Variants in MTSS2 observed in about 807,000 individuals in gnomAD.
MTSS2 encodes protein MTSS 2.
MTSS2 carries 27 observed loss-of-function variants against 67.1 expected under a neutral mutation model. That is an observed-to-expected ratio of 0.40 (90% CI 0.30 to 0.55). The LOEUF is 0.55. MTSS2 is among the 20% of genes least tolerant of loss of function. The pLI, the probability that MTSS2 is intolerant of heterozygous loss-of-function variation, is 0.43. For missense variants in MTSS2, 1,171 were observed against 1,067.8 expected (o/e 1.10, Z -1.35); for synonymous variants, 624 against 468.6 (o/e 1.33, Z -4.28).
In MTSS2 at chr16:70,664,610, T is replaced by C; in HGVS notation, c.1459A>G (p.Ile487Val). 6.2e-7 allele frequency: 1 copy of C among 1,612,582 alleles called. No homozygotes were observed. Among genetic ancestry groups the C allele is most frequent in the South Asian group, 1.1e-5 (1 of 91,020 alleles). Residue 487 changes from isoleucine to valine, a missense_variant, in exon 14 of 15, where the codon ATC becomes GTC. Coordinates refer to ENST00000338779, the MANE Select transcript of MTSS2 (RefSeq NM_138383.3). ...TTTPSCSEDT[I>V]PSQGSDYDCY... ...CCCGCGGGCCTGCCTTGGGAGGGGATGGTGTCCTCAGAGCAGGAGGGCGTG... is the reference window on the plus strand; with the variant it reads ...CCCGCGGGCCTGCCTTGGGAGGGGACGGTGTCCTCAGAGCAGGAGGGCGTG...
Position 70,681,801 on chromosome 16 carries a change from G to A in MTSS2, c.70-776C>T, listed in dbSNP as rs1391880949. Among the ~76,000 whole-genome samples the A allele has an allele frequency of 2.0e-5, 3 of 152,250 alleles. No homozygotes were observed. The South Asian group carries it at 6.2e-4, about 31-fold the overall frequency. On this transcript the variant is annotated intron_variant, in intron 1 of 14. Transcript: ENST00000338779. ...TAGGGAGGTCGGGCTCCTGGCCACC[G>A]AGTTGTCCAATCTGATTTTGGGGCT...
rs1273036588 is a variant in MTSS2, at chr16:70,678,342, C to T, written c.534G>A (p.Leu178=). ...GCACGGCCTGCTTCTCCGTCTCCTC[C>T]AGCAGCAGGTACATGTCGTTGACGT... ...LQDVNDMYLL[L]EETEKQAVRR... is the part of the protein sequence containing the mutation. Residue 178 remains leucine, a synonymous_variant, in exon 8 of 15, where the codon CTG becomes CTA. Transcript: ENST00000338779. The T allele has an allele frequency of 5.0e-6, 8 of 1,613,016 alleles. No homozygotes were observed. The highest frequency in any genetic ancestry group is 5.9e-6 in the Non-Finnish European group (7 of 1,179,998).
At chr16:70,666,188 G>T (rs1182425152) in intron 11 of MTSS2, among the ~76,000 whole-genome samples, 1 of 152,166 alleles carries the variant, frequency 6.6e-6, no homozygotes, top group South Asian at 2.1e-4. Flanking sequence ...AGCCTGCTCT[G>T]CGGAGAAGGG....
In MTSS2 at chr16:70,663,030, C is replaced by CCG. The variant is rs1000934055; in HGVS notation, c.*646_*647insCG. ...CCACCACAGGGCCCCCAAGACCCCC[C>CCG]CCCCCAAGCAGCCCCTGGTTTCCTC... On this transcript the variant is annotated 3_prime_UTR_variant, in exon 15 of 15. Coordinates refer to ENST00000338779, the MANE Select transcript of MTSS2 (RefSeq NM_138383.3). 2.0e-5 allele frequency: 3 copies of CCG among 152,462 alleles called. No individual in the cohort carries two copies. The highest frequency in any genetic ancestry group is 2.1e-4 in the South Asian group (1 of 4,832). The allele number at this position is 152,462 out of a possible 1,614,324, so 9.4% of individuals were successfully genotyped here.
At chr16:70,664,871 G>C (rs765677599) in intron 13 of MTSS2, 49 bp downstream of exon 13, 6 of 1,514,266 alleles carry the variant, frequency 4.0e-6, no homozygotes, top group African/African-American at 1.4e-5. Flanking sequence ...CCACTGGCTG[G>C]GCCTCCTGGG....
intron 3 of MTSS2, 138 bp from the exon 4 acceptor site, chr16:70,680,193 G>A (rs1010082693): frequency 2.0e-4 from 63 of 316,552 alleles, no homozygotes; most frequent in African/African-American, 1.3e-3. Context: ...CAGTCCCGCC[G>A]GCCCTGGGGG....
chr16:70,664,453 G>C lies in MTSS2; in HGVS notation c.1472-4C>G. The C allele has an allele frequency of 1.3e-6, 2 of 1,535,530 alleles. No individual in the cohort carries two copies. Among genetic ancestry groups the C allele is most frequent in the Non-Finnish European group, 8.8e-7 (1 of 1,141,984 alleles). ...GAGTAGCAGTCGTAGTCGGAGCCTG[G>C]GGGCACGGGACACAGTGAGGCCCAG... On this transcript the variant is annotated splice_region_variant and splice_polypyrimidine_tract_variant and intron_variant, in intron 14 of 14. Transcript: ENST00000338779.
chr16:70,682,999 C>T (rs1271631193), intron 1 of MTSS2, among the ~76,000 whole-genome samples: 1 of 152,208 alleles, frequency 6.6e-6, no homozygotes, highest in Non-Finnish European at 1.5e-5. Context: ...AAGCACTGAA[C>T]GTCAAGGCTG....
At chr16:70,683,483 G>C (rs1032101856) in intron 1 of MTSS2, among the ~76,000 whole-genome samples, 1 of 152,216 alleles carries the variant, frequency 6.6e-6, no homozygotes, top group East Asian at 1.9e-4. Flanking sequence ...ACTCTTGAGG[G>C]GTGGGTGAAG....
intron 2 of MTSS2, 46 bp downstream of exon 2, chr16:70,680,918 G>GGGGGGGGGGGGGGCC: frequency 9.1e-7 from 1 of 1,097,914 alleles, no homozygotes; most frequent in Non-Finnish European, 1.3e-6. Flanking sequence ...CGGGGGGGGG[G>GGGGGGGGGGGGGGCC]CCTCTGCCTG....
Position 70,664,466 on chromosome 16 carries a change from C to CA in MTSS2, c.1472-18dup. The stretch of plus-strand genomic sequence containing the variant: ...AGTCGGAGCCTGGGGGCACGGGACA[C>CA]AGTGAGGCCCAGGGCCCAGGTGGCC... On this transcript the variant is annotated splice_polypyrimidine_tract_variant and intron_variant, in intron 14 of 14. Transcript: ENST00000338779. 5 of 1,539,026 alleles carry CA rather than the reference C, an allele frequency of 3.2e-6. No homozygotes were observed. Among genetic ancestry groups the CA allele is most frequent in the Non-Finnish European group, 4.4e-6 (5 of 1,142,244 alleles).
In MTSS2 at chr16:70,663,349, C is replaced by CCCTCTGTCATGGGCAGCGGCCCTGGCT. The variant is rs2052563315; in HGVS notation, c.*301_*327dup. The CCCTCTGTCATGGGCAGCGGCCCTGGCT allele has an allele frequency of 3.0e-6, 1 of 338,434 alleles. No homozygotes were observed. The highest frequency in any genetic ancestry group is 2.2e-5 in the African/African-American group (1 of 46,238). 21.0% of individuals were successfully genotyped at this position (338,434 alleles called of 1,614,324 possible). A position where few individuals can be genotyped will look rare whatever the true frequency, so the allele number is the denominator to read the frequency against. The stretch of plus-strand genomic sequence containing the variant: ...ATGGTGAAAGGGAGGCCAGCCTGGC[C>CCCTCTGTCATGGGCAGCGGCCCTGGCT]CCTCTGTCATGGGCAGCGGCCCTGG... On this transcript the variant is annotated 3_prime_UTR_variant, in exon 15 of 15. Coordinates refer to ENST00000338779, the MANE Select transcript of MTSS2 (RefSeq NM_138383.3).
In MTSS2 at chr16:70,664,678, C is replaced by G; in HGVS notation, c.1391G>C (p.Arg464Pro). 2 of 1,613,338 alleles carry G rather than the reference C, an allele frequency of 1.2e-6. No homozygotes were observed. The highest frequency in any genetic ancestry group is 1.7e-6 in the Non-Finnish European group (2 of 1,179,900). The change falls in exon 14 of 15, where the codon CGG (arginine) becomes CCG (proline). Residue 464 changes from arginine to proline, a missense_variant. Arg to Pro is a moderately radical substitution (Grantham distance 103). This residue lies in a region of MTSS2 where 924 missense variants were observed against 756.0 expected (regional missense o/e 1.22). Coordinates refer to ENST00000338779, the MANE Select transcript of MTSS2 (RefSeq NM_138383.3). Reference sequence around the variant, plus strand: ...GCCGCTGGAGTACTGCAGCGAGTCCCGGCTGCTCTTCTGGTGCTCCAGGCT... The same window carrying G: ...GCCGCTGGAGTACTGCAGCGAGTCCGGGCTGCTCTTCTGGTGCTCCAGGCT... ...GLSLEHQKSS[R>P]DSLQYSSGYS... is the part of the protein sequence containing the mutation.
chr16:70,677,073 C>T, intron 9 of MTSS2, 95 bp from the exon 10 acceptor site: 1 of 959,012 alleles, frequency 1.0e-6, no homozygotes, highest in Non-Finnish European at 1.5e-6. Flanking sequence ...GAACCACATC[C>T]CAGGAGAAGA....
intron 11 of MTSS2, chr16:70,665,827 CA>C (rs1486410840): frequency 3.0e-5 from 9 of 302,382 alleles, no homozygotes; most frequent in Middle Eastern, 1.9e-3. Flanking sequence ...TGGATATGGC[CA>C]CCGAGGGGAA....
chr16:70,672,435 G>A (rs766869643), intron 11 of MTSS2, among the ~76,000 whole-genome samples: 5 of 151,442 alleles, frequency 3.3e-5, no homozygotes, highest in Non-Finnish European at 7.4e-5. Context: ...CAGCAGGACA[G>A]GAGAGAGAAA....
intron 13 of MTSS2, 34 bp from the exon 14 acceptor site, chr16:70,664,797 GC>G: frequency 1.3e-6 from 2 of 1,572,836 alleles, no homozygotes; most frequent in Non-Finnish European, 1.7e-6. Context: ...GAAGCCTTGC[GC>G]CCCCAATCCC....
At chr16:70,667,569 T>C (rs368678657) in intron 11 of MTSS2, among the ~76,000 whole-genome samples, 16 of 151,976 alleles carry the variant, frequency 1.1e-4, no homozygotes, top group African/African-American at 2.7e-4. Flanking sequence ...ATGCAAGATC[T>C]TTACACAAAA....
rs1160987383 is a variant in MTSS2 at position 70,685,756 on chromosome 16, G to A, written c.36C>T (p.Gly12=). The A allele has an allele frequency of 1.4e-6, 2 of 1,391,598 alleles. No homozygotes were observed. The highest frequency in any genetic ancestry group is 1.5e-5 in the African/African-American group (1 of 66,310). The allele number at this position is 1,391,598 out of a possible 1,614,324, so 86.2% of individuals were successfully genotyped here. A position where few individuals can be genotyped will look rare whatever the true frequency, so the allele number is the denominator to read the frequency against. ...ETAEKECGAL[G]GLFQAIVNDM... ...CGTTGACTATGGCCTGGAAGAGCCC[G>A]CCCAGGGCGCCGCACTCCTTCTCCG... Residue 12 remains glycine, a synonymous_variant, in exon 1 of 15, where the codon GGC becomes GGT. Coordinates refer to ENST00000338779, the MANE Select transcript of MTSS2 (RefSeq NM_138383.3).
Sources: allele counts gnomAD v4.1 joint callset (sites outside exome capture counted in the v4.1 genomes callset), GRCh38; gene constraint gnomAD v4.1.1; regional missense constraint gnomAD v4.1.1; transcripts MANE v1.5; gene names NCBI Gene and HGNC (gene_info 2026-07-23, HGNC 2026-07-21).